PNKD: variants seen among roughly 807,000 people sequenced by gnomAD.
PNKD encodes probable thioesterase PNKD.
A neutral mutation model predicts 45.3 loss-of-function variants in PNKD; 36 were observed. That is an observed-to-expected ratio of 0.80 (90% CI 0.61 to 1.05). PNKD has a LOEUF of 1.05. Ranked by LOEUF, PNKD falls within the 50% of genes least tolerant of loss-of-function variation. The pLI is 0.00. For synonymous variants in PNKD, 197 were observed against 210.1 expected (o/e 0.94, Z 0.54); for missense variants, 511 against 506.6 (o/e 1.01, Z -0.08).
chr2:218,317,162 G>A (rs766663707), intron 2 of PNKD, among the ~76,000 whole-genome samples: 3 of 152,182 alleles, frequency 2.0e-5, no homozygotes, highest in Non-Finnish European at 4.4e-5. Context: ...TGAGCAAGCT[G>A]CTGAATTATG....
intron 2 of PNKD, among the ~76,000 whole-genome samples, chr2:218,308,604 T>TC (rs1459408576): frequency 2.0e-5 from 3 of 151,572 alleles, no homozygotes; most frequent in Non-Finnish European, 2.9e-5. Context: ...CTTTTTTTTT[T>TC]TTAGACGAGT....
At chr2:218,282,719 AGCCCCAGTGCCAGAGCT>A (rs959749752) in intron 2 of PNKD, among the ~76,000 whole-genome samples, 7 of 152,158 alleles carry the variant, frequency 4.6e-5, no homozygotes, top group Non-Finnish European at 1.0e-4. Context: ...AAAACAAGCT[AGCCCCAGTGCCAGAGCT>A]GCCAGGCCCC....
At chr2:218,331,777 TATTTTTAA>T (rs1212248922) in intron 2 of PNKD, among the ~76,000 whole-genome samples, 2 of 152,210 alleles carry the variant, frequency 1.3e-5, no homozygotes, top group Non-Finnish European at 2.9e-5. Context: ...CATGCTTTTG[TATTTTTAA>T]TGAATATAGT....
chr2:218,282,342 C>T (rs965418951), intron 2 of PNKD: 1 of 492,884 alleles, frequency 2.0e-6, no homozygotes, highest in Non-Finnish European at 3.5e-6. Context: ...CAGGCCACCT[C>T]CCCACCAACT....
At position 218,271,415 on chromosome 2, in the gene PNKD, T is replaced by A. The variant is rs1690825627; in HGVS notation, c.102T>A (p.Ser34=). The stretch of plus-strand genomic sequence containing the variant: ...CAGGAGCCACAGCTAACAAGGCTTC[T>A]CATAACAGGACCCGGGCCCTGCAAA... ...ILAGATANKA[S]HNRTRALQSH... is the part of the protein sequence containing the mutation. The change falls in exon 2 of 10, where the codon TCT becomes TCA. Residue 34 remains serine, a synonymous_variant. Coordinates refer to ENST00000273077, the MANE Select transcript of PNKD (RefSeq NM_015488.5). 1 of 1,614,000 alleles carries A rather than the reference T, an allele frequency of 6.2e-7. No individual in the cohort carries two copies. The highest frequency in any genetic ancestry group is 8.5e-7 in the Non-Finnish European group (1 of 1,179,956).
At chr2:218,338,409 C>T (rs1395082418) in intron 2 of PNKD, among the ~76,000 whole-genome samples, 1 of 146,496 alleles carries the variant, frequency 6.8e-6, no homozygotes, top group Admixed American at 6.9e-5. Context: ...TGCAGTGAGC[C>T]GAGATTGCAC....
chr2:218,290,291 A>G (rs947462952), intron 2 of PNKD, among the ~76,000 whole-genome samples: 1 of 152,152 alleles, frequency 6.6e-6, no homozygotes, highest in African/African-American at 2.4e-5. Context: ...TGTTCCTTCA[A>G]ACTCCCTTAA....
chr2:218,341,749 A>G, intron 6 of PNKD, 123 bp downstream of exon 6: 1 of 809,892 alleles, frequency 1.2e-6, no homozygotes, highest in Non-Finnish European at 2.1e-6. Flanking sequence ...TCCTGGCCCA[A>G]TCCCAGCCTA....
chr2:218,277,398 T>C lies in PNKD; in HGVS notation c.236+5849T>C. The C allele has an allele frequency of 1.9e-6, 3 of 1,614,084 alleles. 1 individual carries two copies. The highest frequency in any genetic ancestry group is 2.2e-5 in the South Asian group (2 of 91,086). On this transcript the variant is annotated intron_variant, in intron 2 of 9. Transcript: ENST00000273077. ...TGAAAGCAGAAGATGGTGACTGAAA[T>C]GGATACCACCGCAGTGATGATCATT...
intron 2 of PNKD, among the ~76,000 whole-genome samples, chr2:218,297,056 C>T (rs1443622754): frequency 6.6e-6 from 1 of 152,188 alleles, no homozygotes; most frequent in Non-Finnish European, 1.5e-5. Context: ...CTGTTTCTCC[C>T]CACTGGAGGG....
rs1256936816 is a variant in PNKD, at chr2:218,277,581, C to T, written c.236+6032C>T. The T allele has an allele frequency of 2.5e-6, 4 of 1,613,204 alleles. No homozygotes were observed. In the South Asian group the frequency reaches 4.4e-5, roughly 18 times the overall value. On this transcript the variant is annotated intron_variant, in intron 2 of 9. Transcript: ENST00000273077. ...GCTGGCTGCCGGCCCAGGAACACCC[C>T]ACTCCCCACAATACACATTTCCCAA...
At chr2:218,276,966 A>C (rs1691279008) in intron 2 of PNKD, 1 of 1,554,658 alleles carries the variant, frequency 6.4e-7, no homozygotes, top group African/African-American at 1.4e-5. Context: ...TGCCCTGAGC[A>C]CTGGGTTCCC....
intron 2 of PNKD, among the ~76,000 whole-genome samples, chr2:218,336,944 C>T (rs7608356): frequency 0.26 from 38,883 of 151,232 alleles, 5,158 homozygotes; most frequent in Middle Eastern, 0.4. Flanking sequence ...GGATTACAGG[C>T]GCCCACCACC....
intron 2 of PNKD, among the ~76,000 whole-genome samples, chr2:218,312,230 A>G (rs1372244034): frequency 6.6e-6 from 1 of 152,238 alleles, no homozygotes; most frequent in Non-Finnish European, 1.5e-5. Context: ...TTTTCCCCAC[A>G]TGTAAAGGCA....
rs1694626985 is a variant in PNKD at position 218,340,062 on chromosome 2, A to G, written c.386A>G (p.Asp129Gly). The stretch of plus-strand genomic sequence containing the variant: ...GTGCTTCCCATCCCTGTCCTCTCGG[A>G]CAACTACAGCTACCTCATCATCGAC... The part of the protein sequence containing the change: ...VKVLPIPVLS[D>G]NYSYLIIDTQ... Residue 129 changes from aspartate (D) to glycine (G), a missense_variant, in exon 4 of 10, where the codon GAC becomes GGC. Asp to Gly is a moderately conservative substitution (Grantham distance 94). Transcript: ENST00000273077. The surrounding 1 kb of genome is among the most constrained non-coding windows in gnomAD (Gnocchi z 4.2). 6.2e-7 allele frequency: 1 copy of G among 1,613,578 alleles called. No individual in the cohort carries two copies. The highest frequency in any genetic ancestry group is 1.3e-5 in the African/African-American group (1 of 74,892).
rs1694158869 is a variant in PNKD at position 218,326,526 on chromosome 2, T to C, written c.237-13257T>C. Among the ~76,000 whole-genome samples, 1 of 152,096 alleles carries C rather than the reference T, an allele frequency of 6.6e-6. No homozygotes were observed. The highest frequency in any genetic ancestry group is 1.5e-5 in the Non-Finnish European group (1 of 68,024). ...AGTTGTTTGCATCTATAAAGTGGGG[T>C]TGGGGATGCCTACCTCATAGGGCTC... On this transcript the variant is annotated intron_variant, in intron 2 of 9. Transcript: ENST00000273077. This position sits in a 1 kb window ranked among gnomAD's most constrained non-coding sequence, Gnocchi z 4.1.
At chr2:218,337,851 T>C (rs1372065454) in intron 2 of PNKD, among the ~76,000 whole-genome samples, 4 of 152,002 alleles carry the variant, frequency 2.6e-5, no homozygotes, top group African/African-American at 9.7e-5. Flanking sequence ...AAAGATAAAA[T>C]CATTAAGAAT....
At chr2:218,279,217 C>T in intron 2 of PNKD, 1 of 1,554,252 alleles carries the variant, frequency 6.4e-7, no homozygotes. Flanking sequence ...GGCCCACCGC[C>T]ACCCACACCC....
At chr2:218,282,004 G>T (rs1323776047) in intron 2 of PNKD, 2 of 1,607,704 alleles carry the variant, frequency 1.2e-6, no homozygotes, top group East Asian at 2.2e-5. Flanking sequence ...GGTGACCGTA[G>T]CCAGGCTGCG....
Sources: gnomAD v4.1 joint callset for allele counts (sites outside exome capture counted in the v4.1 genomes callset) on GRCh38, gnomAD v4.1.1 for gene constraint, Gnocchi (gnomAD v3.1) non-coding constraint, MANE v1.5 for transcripts, NCBI Gene and HGNC (gene_info 2026-07-23, HGNC 2026-07-21) for gene names.